GLB1: variants seen among roughly 807,000 people sequenced by gnomAD.
GLB1 encodes the protein galactosidase beta 1, also known as beta-galactosidase.
GLB1 carries 56 observed loss-of-function variants against 74.0 expected under a neutral mutation model. The observed-to-expected ratio is 0.76, with a 90% CI of 0.61 to 0.94. The LOEUF is 0.94. GLB1 is among the 40% of genes least tolerant of loss of function. GLB1 has a pLI of 0.00. For synonymous variants in GLB1, 323 were observed against 323.6 expected, an observed-to-expected ratio of 1.00 and a Z score of 0.02; for missense variants, 787 against 845.5, an observed-to-expected ratio of 0.93 and a Z score of 0.86.
intron 15 of GLB1, among the ~76,000 whole-genome samples, chr3:33,001,187 TTCTTC>T (rs1696551408): frequency 3.9e-5 from 6 of 151,916 alleles, no homozygotes; most frequent in Admixed American, 3.9e-4. Flanking sequence ...CTCCTTCTCC[TTCTTC>T]TCTTCTCCTC....
chr3:33,051,268 TA>T (rs1017522562), intron 9 of GLB1, among the ~76,000 whole-genome samples: 38 of 145,878 alleles, frequency 2.6e-4, no homozygotes, highest in Non-Finnish European at 5.3e-4. Context: ...TAAGAAATAT[TA>T]TTTTTTAAAA....
chr3:33,053,768 G>A lies in GLB1; in HGVS notation c.734-219C>T, dbSNP rs534938723. 2.0e-5 allele frequency among the ~76,000 whole-genome samples: 3 copies of A among 152,262 alleles called. No homozygotes were observed. In the South Asian group the frequency reaches 6.2e-4, roughly 32 times the overall value. On this transcript the variant is annotated intron_variant, in intron 6 of 15. Transcript: ENST00000307363. ...TCATAAGGGCTCCACCTTCATGAAT[G>A]GGATTAGTGCCCCTATAAAAACAGA...
the GLB1 span, among the ~76,000 whole-genome samples, chr3:32,964,574 A>G: frequency 6.6e-6 from 1 of 152,204 alleles, no homozygotes; most frequent in Non-Finnish European, 1.5e-5. Flanking sequence ...GTGATAGGCA[A>G]TATATAACAA....
chr3:33,073,814 G>A (rs1699981175), intron 1 of GLB1, among the ~76,000 whole-genome samples: 1 of 152,046 alleles, frequency 6.6e-6, no homozygotes, highest in Non-Finnish European at 1.5e-5. Context: ...TTCAAGACCA[G>A]CCTAGGCAAT....
At chr3:33,075,970 G>C (rs1262977739) in intron 1 of GLB1, among the ~76,000 whole-genome samples, 1 of 151,708 alleles carries the variant, frequency 6.6e-6, no homozygotes, top group African/African-American at 2.4e-5. Flanking sequence ...GCGTGAACCT[G>C]GGAGGCGGAG....
chr3:33,090,622 A>G, intron 1 of GLB1: 1 of 985,460 alleles, frequency 1.0e-6, no homozygotes. Flanking sequence ...CAAACAAACA[A>G]AAAGGTCCAT....
At chr3:33,029,403 T>G (rs909526533) in intron 10 of GLB1, among the ~76,000 whole-genome samples, 6 of 152,222 alleles carry the variant, frequency 3.9e-5, no homozygotes, top group African/African-American at 1.4e-4. Context: ...TCCAACAAAC[T>G]CTTATTAAGA....
chr3:33,039,850 TGAAAAG>T (rs1385993584), intron 10 of GLB1, among the ~76,000 whole-genome samples: 1 of 151,920 alleles, frequency 6.6e-6, no homozygotes, highest in Non-Finnish European at 1.5e-5. Context: ...AAATCAAAGA[TGAAAAG>T]GAAATCTTAA....
At chr3:33,007,776 C>T (rs1039388168) in intron 15 of GLB1, among the ~76,000 whole-genome samples, 1 of 152,178 alleles carries the variant, frequency 6.6e-6, no homozygotes, top group Admixed American at 6.5e-5. Flanking sequence ...TACTTTCAAG[C>T]CTGGAGATGC....
chr3:33,007,597 G>A (rs752321074), intron 15 of GLB1, among the ~76,000 whole-genome samples: 11 of 152,196 alleles, frequency 7.2e-5, no homozygotes, highest in East Asian at 1.9e-4. Context: ...ACTACATTTC[G>A]TTTATTCATT....
rs765307992 is a variant in GLB1 at position 32,997,267 on chromosome 3, G to A, written c.1812C>T (p.Pro604=). Reference sequence around the variant, plus strand: ...GGGCCGAGGTCATCAGGATGTGCTGGGGCACAAACAAGGTCAACTGAGGGC... The same window carrying A: ...GGGCCGAGGTCATCAGGATGTGCTGAGGCACAAACAAGGTCAACTGAGGGC... ...ARGPQLTLFV[P]QHILMTSAPN... is the part of the protein sequence containing the mutation. The change falls in exon 16 of 16, where the codon CCC becomes CCT. Residue 604 remains proline (P), a synonymous_variant. Coordinates refer to ENST00000307363, the MANE Select transcript of GLB1 (RefSeq NM_000404.4). The A allele has an allele frequency of 3.7e-6, 6 of 1,614,200 alleles. No individual in the cohort carries two copies. The South Asian group carries it at 6.6e-5, about 18-fold the overall frequency.
At chr3:32,992,129 G>C (rs912713124), downstream of GLB1, among the ~76,000 whole-genome samples, 2 of 152,238 alleles carry the variant, frequency 1.3e-5, no homozygotes, top group African/African-American at 4.8e-5. Context: ...CCTGGATGTC[G>C]AGTCTTTTCC....
At chr3:33,087,574 T>TGG (rs1553614195) in intron 1 of GLB1, among the ~76,000 whole-genome samples, 1 of 51,800 alleles carries the variant, frequency 1.9e-5, no homozygotes, top group Admixed American at 2.0e-4. Flanking sequence ...TGTCTCAGCA[T>TGG]GCGCGCACAC....
Position 33,058,076 on chromosome 3 carries a change from T to A in GLB1, c.733+13A>T. 2 of 1,613,126 alleles carry A rather than the reference T, an allele frequency of 1.2e-6. No individual in the cohort carries two copies. Among genetic ancestry groups the A allele is most frequent in the South Asian group, 2.2e-5 (2 of 91,030 alleles). On this transcript the variant is annotated intron_variant, in intron 6 of 15. Coordinates refer to ENST00000307363, the MANE Select transcript of GLB1 (RefSeq NM_000404.4). ...GATTTTAAGCTGCAATTTCTGTTACTACAAACACCAACCTGTTCCAAAGTC... is the reference window on the plus strand; with the variant it reads ...GATTTTAAGCTGCAATTTCTGTTACAACAAACACCAACCTGTTCCAAAGTC...
chr3:32,975,427 C>T, the GLB1 span, among the ~76,000 whole-genome samples: 1 of 152,014 alleles, frequency 6.6e-6, no homozygotes, highest in Non-Finnish European at 1.5e-5. Context: ...GAGGCATCTT[C>T]CCATTAAACA....
chr3:33,001,690 G>A (rs1042600572), intron 15 of GLB1, among the ~76,000 whole-genome samples: 2 of 152,208 alleles, frequency 1.3e-5, no homozygotes, highest in African/African-American at 4.8e-5. Flanking sequence ...CCGCACGCAG[G>A]AGAGTGATAT....
Position 33,027,472 on chromosome 3 carries a change from C to T in GLB1, c.1069-3147G>A, listed in dbSNP as rs546704137. 4.8e-3 allele frequency among the ~76,000 whole-genome samples: 737 copies of T among 152,324 alleles called. 4 individuals carry two copies. The highest frequency in any genetic ancestry group is 0.017 in the African/African-American group (704 of 41,564). On this transcript the variant is annotated intron_variant, in intron 10 of 15. Coordinates refer to ENST00000307363, the MANE Select transcript of GLB1 (RefSeq NM_000404.4). ...GGCCCGAGCAAAACTCGGGCAAAGG[C>T]GCCACAGGCCACAGAGGTTTCCAGC...
chr3:33,050,746 A>G (rs2125520790), intron 9 of GLB1, among the ~76,000 whole-genome samples: 1 of 152,340 alleles, frequency 6.6e-6, no homozygotes, highest in African/African-American at 2.4e-5. Context: ...ATACCACTGC[A>G]TCATATACTT....
chr3:33,091,043 A>C, intron 1 of GLB1: 1 of 985,476 alleles, frequency 1.0e-6, no homozygotes, highest in Non-Finnish European at 1.2e-6. Context: ...AAACATTACC[A>C]GCCGCATCAA....
Sources: gnomAD v4.1 joint callset for allele counts (sites outside exome capture counted in the v4.1 genomes callset) on GRCh38, gnomAD v4.1.1 for gene constraint, MANE v1.5 for transcripts, NCBI Gene and HGNC (gene_info 2026-07-23, HGNC 2026-07-21) for gene names.